CENPK: variants seen among roughly 807,000 people sequenced by gnomAD.
The protein encoded by CENPK is centromere protein K, also known as SoxLZ/Sox6-binding protein Solt.
In CENPK, 46 loss-of-function variants were observed where a neutral mutation model predicts 40.9. That is an observed-to-expected ratio of 1.13 (90% CI 0.89 to 1.44). The LOEUF is 1.44. Among genes scored for constraint, CENPK ranks in the 40% most tolerant of loss-of-function variants. The probability of loss-of-function intolerance (pLI) is 0.00; values close to 1 mark genes in which losing one functional copy is unlikely to be tolerated. For synonymous variants in CENPK, 107 were observed against 104.4 expected (o/e 1.02, Z -0.15); for missense variants, 288 against 303.5 (o/e 0.95, Z 0.38).
intron 6 of CENPK, among the ~76,000 whole-genome samples, chr5:65,533,093 C>T (rs1394241012): frequency 1.3e-5 from 2 of 151,746 alleles, no homozygotes; most frequent in Non-Finnish European, 2.9e-5. Context: ...GGGGCGGTGG[C>T]TCATGCCTGT....
intron 4 of CENPK, 26 bp downstream of exon 4, chr5:65,552,467 T>A (rs750703310): frequency 6.9e-7 from 1 of 1,447,226 alleles, no homozygotes; most frequent in Non-Finnish European, 9.4e-7. Context: ...TTACCTTGTA[T>A]TTTTTAGGAA....
downstream of CENPK, among the ~76,000 whole-genome samples, chr5:65,514,459 G>A (rs1441617762): frequency 6.6e-6 from 1 of 151,492 alleles, no homozygotes; most frequent in African/African-American, 2.4e-5. Context: ...TAGAGACGGG[G>A]TTTCACCATA....
chr5:65,504,822 C>T, the CENPK span, among the ~76,000 whole-genome samples: 1 of 152,184 alleles, frequency 6.6e-6, no homozygotes, highest in Non-Finnish European at 1.5e-5. Flanking sequence ...TTCCTTAACC[C>T]TATCCTCCCC....
the CENPK span, among the ~76,000 whole-genome samples, chr5:65,505,507 G>A: frequency 6.6e-6 from 1 of 152,152 alleles, no homozygotes; most frequent in African/African-American, 2.4e-5. Context: ...TGGGCATGGT[G>A]GTGCATACCT....
chr5:65,561,400 T>C (rs1236403724), intron 2 of CENPK, 63 bp downstream of exon 2: 1 of 379,474 alleles, frequency 2.6e-6, no homozygotes, highest in Admixed American at 2.8e-5. Context: ...ATTATCTGGC[T>C]TGGCGATTTA....
At chr5:65,541,823 T>TTA (rs1375204281) in intron 6 of CENPK, among the ~76,000 whole-genome samples, 1 of 152,222 alleles carries the variant, frequency 6.6e-6, no homozygotes, top group Non-Finnish European at 1.5e-5. Context: ...TTGGTATTTG[T>TTA]TATATAGTAC....
chr5:65,505,112 A>AT, the CENPK span, among the ~76,000 whole-genome samples: 2 of 151,562 alleles, frequency 1.3e-5, no homozygotes, highest in African/African-American at 4.9e-5. Flanking sequence ...TTTAATTTTT[A>AT]TTTTTGTAGA....
chr5:65,540,471 G>A (rs1018476757), intron 6 of CENPK, among the ~76,000 whole-genome samples: 1 of 152,078 alleles, frequency 6.6e-6, no homozygotes, highest in Admixed American at 6.6e-5. Context: ...ACTGATGGCT[G>A]GGAGCCCCTC....
At chr5:65,514,960 G>A (rs1046664423), downstream of CENPK, among the ~76,000 whole-genome samples, 1 of 124,358 alleles carries the variant, frequency 8.0e-6, no homozygotes, top group East Asian at 3.4e-4. Context: ...CTTTTGTTAT[G>A]GTAAAAGTTT....
At chr5:65,533,778 C>A (rs1746336568) in intron 6 of CENPK, among the ~76,000 whole-genome samples, 3 of 152,016 alleles carry the variant, frequency 2.0e-5, no homozygotes, top group African/African-American at 4.8e-5. Context: ...TGCAGTGCCT[C>A]AAGCCTGAAA....
intron 4 of CENPK, among the ~76,000 whole-genome samples, chr5:65,552,224 A>G (rs1342856221): frequency 3.3e-5 from 5 of 152,150 alleles, no homozygotes; most frequent in Non-Finnish European, 7.3e-5. Context: ...CTAACAAGCA[A>G]TTTACTCAGT....
chr5:65,561,498 T>G lies in CENPK; in HGVS notation c.-75A>C. On this transcript the variant is annotated 5_prime_UTR_variant, in exon 2 of 11. Transcript: ENST00000396679. ...TGCAAGATGTAAGCTGTATGTAACCTGGAAGAGGGTCATCAACAGAACCAG... is the reference window on the plus strand; with the variant it reads ...TGCAAGATGTAAGCTGTATGTAACCGGGAAGAGGGTCATCAACAGAACCAG... 2.2e-6 allele frequency: 1 copy of G among 456,054 alleles called. No homozygotes were observed. The highest frequency in any genetic ancestry group is 4.4e-6 in the Non-Finnish European group (1 of 226,808). The allele number at this position is 456,054 out of a possible 1,614,324, so 28.3% of individuals were successfully genotyped here.
chr5:65,510,554 C>T, the CENPK span, among the ~76,000 whole-genome samples: 1 of 152,028 alleles, frequency 6.6e-6, no homozygotes, highest in African/African-American at 2.4e-5. Context: ...AAGGGCAGAT[C>T]ACCTGAGGTC....
chr5:65,556,137 A>T lies in CENPK; in HGVS notation c.-39-1191T>A, dbSNP rs371675768. Among the ~76,000 whole-genome samples, 361 of 152,318 alleles carry T rather than the reference A, an allele frequency of 2.4e-3. 3 individuals carry two copies. Among genetic ancestry groups the T allele is most frequent in the African/African-American group, 8.3e-3 (343 of 41,560 alleles). On this transcript the variant is annotated intron_variant, in intron 2 of 10. Coordinates refer to ENST00000396679, the MANE Select transcript of CENPK (RefSeq NM_022145.5). Reference sequence around the variant, plus strand: ...TGTCTTCGTTCTTAACAAAGAAATTAAAAAAGTAAAAAATAAAAATAAATA... The same window carrying T: ...TGTCTTCGTTCTTAACAAAGAAATTTAAAAAGTAAAAAATAAAAATAAATA...
At chr5:65,537,336 G>A (rs1024766817) in intron 6 of CENPK, among the ~76,000 whole-genome samples, 11 of 151,978 alleles carry the variant, frequency 7.2e-5, no homozygotes, top group Admixed American at 5.2e-4. Flanking sequence ...ACGGAGTCTC[G>A]CTCTGTCATC....
the CENPK span, among the ~76,000 whole-genome samples, chr5:65,500,821 C>G: frequency 9.9e-5 from 15 of 152,072 alleles, no homozygotes; most frequent in African/African-American, 3.4e-4. Context: ...CACCACCATG[C>G]CCAGCTAATT....
intron 9 of CENPK, among the ~76,000 whole-genome samples, chr5:65,527,202 T>C (rs1744858913): frequency 6.6e-6 from 1 of 152,078 alleles, no homozygotes; most frequent in Non-Finnish European, 1.5e-5. Flanking sequence ...AGTAGGAATC[T>C]GCTACCCTCA....
In CENPK at chr5:65,534,050, C is replaced by CAAAA. The variant is rs60018569; in HGVS notation, c.289-4855_289-4852dup. On this transcript the variant is annotated intron_variant, in intron 6 of 10. Coordinates refer to ENST00000396679, the MANE Select transcript of CENPK (RefSeq NM_022145.5). ...GTGACAGAGCGAGACACCGTCTCAACAAAAAAAAAAAAAAAAAAAGGAAAA... is the reference window on the plus strand; with the variant it reads ...GTGACAGAGCGAGACACCGTCTCAACAAAAAAAAAAAAAAAAAAAAAAAGGAAAA... Among the ~76,000 whole-genome samples, 801 of 90,946 alleles carry CAAAA rather than the reference C, an allele frequency of 8.8e-3. 35 individuals are homozygous for CAAAA. Among genetic ancestry groups the CAAAA allele is most frequent in the East Asian group, 0.068 (209 of 3,054 alleles). The allele number at this position is 90,946 out of a possible 152,430, so 59.7% of individuals were successfully genotyped here.
chr5:65,537,271 A>C (rs1297245471), intron 6 of CENPK, among the ~76,000 whole-genome samples: 1 of 152,206 alleles, frequency 6.6e-6, no homozygotes, highest in African/African-American at 2.4e-5. Context: ...TGTATGAACA[A>C]ACTTTTTAAA....
Sources: allele counts gnomAD v4.1 joint callset (sites outside exome capture counted in the v4.1 genomes callset), GRCh38; gene constraint gnomAD v4.1.1; transcripts MANE v1.5; gene names NCBI Gene and HGNC (gene_info 2026-07-23, HGNC 2026-07-21).